TRIO: variants seen among roughly 807,000 people sequenced by gnomAD.
TRIO encodes the protein triple functional domain protein.
In TRIO, 58 loss-of-function variants were observed where a neutral mutation model predicts 351.9. That is an observed-to-expected ratio of 0.16 (90% CI 0.13 to 0.21). The LOEUF is 0.21. Ranked by LOEUF, TRIO falls within the 10% of genes least tolerant of loss-of-function variation. The pLI, the probability that TRIO is intolerant of heterozygous loss-of-function variation, is 1.00. For synonymous variants in TRIO, 1,758 were observed against 1,595.7 expected (o/e 1.10, Z -2.42); for missense variants, 3,201 against 4,027.8 (o/e 0.79, Z 5.56).
intron 9 of TRIO, among the ~76,000 whole-genome samples, chr5:14,321,764 G>T (rs116596272): frequency 6.6e-6 from 1 of 152,266 alleles, no homozygotes; most frequent in South Asian, 2.1e-4. Context: ...TCATGGGAGG[G>T]ACCCAGTGAG....
chr5:14,212,078 A>G (rs1348823446), intron 1 of TRIO, among the ~76,000 whole-genome samples: 6 of 152,080 alleles, frequency 3.9e-5, no homozygotes, highest in Non-Finnish European at 5.9e-5. Context: ...GTTTGAGGCT[A>G]CAGTTAACTA....
chr5:14,232,439 C>A (rs887708719), intron 1 of TRIO, among the ~76,000 whole-genome samples: 5 of 152,202 alleles, frequency 3.3e-5, no homozygotes, highest in African/African-American at 4.8e-5. Context: ...ACTCCTTGAC[C>A]TCTATAACGC....
chr5:14,315,739 C>T (rs1299636512), intron 8 of TRIO, among the ~76,000 whole-genome samples: 2 of 152,132 alleles, frequency 1.3e-5, no homozygotes, highest in Non-Finnish European at 2.9e-5. Flanking sequence ...ATTAATTACT[C>T]ATAAGTCTTA....
chr5:14,472,407 C>T (rs770473300), intron 38 of TRIO, among the ~76,000 whole-genome samples, 185 bp from the exon 39 acceptor site: 4 of 152,232 alleles, frequency 2.6e-5, no homozygotes, highest in Non-Finnish European at 5.9e-5. Context: ...ACCTCCAGAG[C>T]TCTCGTGGGT....
chr5:14,478,317 G>T (rs1329149700), intron 41 of TRIO, among the ~76,000 whole-genome samples: 2 of 152,176 alleles, frequency 1.3e-5, no homozygotes, highest in African/African-American at 4.8e-5. Context: ...TAAATTTGTG[G>T]CAGTGAAGAG....
At chr5:14,312,783 A>AT (rs1739042213) in intron 8 of TRIO, among the ~76,000 whole-genome samples, 1 of 152,174 alleles carries the variant, frequency 6.6e-6, no homozygotes, top group Non-Finnish European at 1.5e-5. Context: ...TTTTATATGA[A>AT]TTTTTTTGTC....
intron 1 of TRIO, among the ~76,000 whole-genome samples, chr5:14,223,659 A>G (rs1438785697): frequency 6.6e-6 from 1 of 152,196 alleles, no homozygotes; most frequent in Non-Finnish European, 1.5e-5. Flanking sequence ...ACAAGAGGAA[A>G]TGGCCAAGTT....
chr5:14,480,362 T>C (rs1419817416), intron 43 of TRIO, among the ~76,000 whole-genome samples: 2 of 152,228 alleles, frequency 1.3e-5, no homozygotes, highest in East Asian at 3.8e-4. Flanking sequence ...TTTATTTACA[T>C]CGAGTTCAGA....
chr5:14,388,706 T>G (rs1194170489), intron 24 of TRIO, 27 bp downstream of exon 24: 5 of 1,534,002 alleles, frequency 3.3e-6, no homozygotes, highest in African/African-American at 2.8e-5. Flanking sequence ...TTTTTTTTTT[T>G]GCTTGTTTAT....
intron 41 of TRIO, among the ~76,000 whole-genome samples, chr5:14,479,009 G>T (rs1405679601): frequency 6.6e-6 from 1 of 151,920 alleles, no homozygotes; most frequent in South Asian, 2.1e-4. Flanking sequence ...TATGGTGTTT[G>T]TTGGTATTTG....
intron 54 of TRIO, among the ~76,000 whole-genome samples, chr5:14,504,065 G>A (rs1002051992): frequency 6.6e-6 from 1 of 152,244 alleles, no homozygotes; most frequent in Admixed American, 6.5e-5. Context: ...CTCGTCGTGG[G>A]AAGCAGAAGG....
At chr5:14,383,469 A>G (rs1746288782) in intron 21 of TRIO, among the ~76,000 whole-genome samples, 1 of 152,228 alleles carries the variant, frequency 6.6e-6, no homozygotes, top group Non-Finnish European at 1.5e-5. Context: ...TGTATATGAA[A>G]GAATTTTTCC....
chr5:14,485,746 G>T (rs1433774309), intron 47 of TRIO, among the ~76,000 whole-genome samples: 1 of 152,162 alleles, frequency 6.6e-6, no homozygotes, highest in Admixed American at 6.5e-5. Context: ...AGCACTTTGG[G>T]AGGCCAAGTT....
chr5:14,179,229 G>C (rs1328605655), intron 1 of TRIO, among the ~76,000 whole-genome samples: 1 of 152,190 alleles, frequency 6.6e-6, no homozygotes, highest in Non-Finnish European at 1.5e-5. Context: ...AGAATGGAGA[G>C]AGAAATCCTG....
intron 13 of TRIO, among the ~76,000 whole-genome samples, chr5:14,362,386 C>T (rs1325814592): frequency 6.6e-6 from 1 of 152,172 alleles, no homozygotes; most frequent in Non-Finnish European, 1.5e-5. Flanking sequence ...TCATCGACTC[C>T]CAGCGTGTTC....
intron 1 of TRIO, among the ~76,000 whole-genome samples, chr5:14,270,508 T>G (rs1446874709): frequency 6.6e-6 from 1 of 152,232 alleles, no homozygotes; most frequent in Non-Finnish European, 1.5e-5. Flanking sequence ...ACATAAAAAT[T>G]AAGATTTGGT....
intron 34 of TRIO, among the ~76,000 whole-genome samples, chr5:14,454,810 A>G (rs1579702305): frequency 1.3e-5 from 2 of 152,172 alleles, no homozygotes; most frequent in East Asian, 3.9e-4. Context: ...GAAGCCGTGG[A>G]TCTTCGTGGT....
Position 14,413,957 on chromosome 5 carries a change from G to A in TRIO, c.4960-5821G>A, listed in dbSNP as rs188018301. ...AGCTGGTTGAGGTCAGCTAGTTAAC[G>A]TTAGATCTCAGATCATTGTCCCTCC... On this transcript the variant is annotated intron_variant, in intron 33 of 56. Transcript: ENST00000344204. Among the ~76,000 whole-genome samples the A allele has an allele frequency of 4.6e-5, 7 of 152,172 alleles. No individual in the cohort carries two copies. In the South Asian group the frequency reaches 8.3e-4, roughly 18 times the overall value.
In TRIO at chr5:14,200,933, A is replaced by C. The variant is rs147709019; in HGVS notation, c.157+57051A>C. The stretch of plus-strand genomic sequence containing the variant: ...CATGTTTAAATGATTTAGAAAAATC[A>C]TTTTTCTTTAAAAAATAACAGTACA... On this transcript the variant is annotated intron_variant, in intron 1 of 56. Transcript: ENST00000344204. Among the ~76,000 whole-genome samples the C allele has an allele frequency of 2.5e-3, 380 of 152,040 alleles. 9 individuals are homozygous for C. In the South Asian group the frequency reaches 0.045, roughly 18 times the overall value.
Sources: allele counts gnomAD v4.1 joint callset (sites outside exome capture counted in the v4.1 genomes callset), GRCh38; gene constraint gnomAD v4.1.1; transcripts MANE v1.5; gene names NCBI Gene and HGNC (gene_info 2026-07-23, HGNC 2026-07-21).